The following RAP1GAP variants were observed in gnomAD, a reference collection of about 807,000 sequenced individuals.
The protein encoded by RAP1GAP is RAP1 GTPase activating protein.
In RAP1GAP, 35 loss-of-function variants were observed where a neutral mutation model predicts 87.2. The observed-to-expected ratio is 0.40, with a 90% CI of 0.31 to 0.53. RAP1GAP has a LOEUF of 0.53. Ranked by LOEUF, RAP1GAP falls within the 20% of genes least tolerant of loss-of-function variation. RAP1GAP has a pLI of 0.48. For synonymous variants in RAP1GAP, 375 were observed against 363.9 expected (o/e 1.03, Z -0.35); for missense variants, 734 against 898.9 (o/e 0.82, Z 2.35).
rs1163011784 is a variant in RAP1GAP, at chr1:21,622,714, A to C, written c.-18-2664T>G. The C allele has an allele frequency of 6.6e-6, 1 of 151,476 alleles. No homozygotes were observed. The highest frequency in any genetic ancestry group is 1.5e-5 in the Non-Finnish European group (1 of 67,872). 9.4% of individuals were successfully genotyped at this position (151,476 alleles called of 1,614,324 possible). A position where few individuals can be genotyped will look rare whatever the true frequency, so the allele number is the denominator to read the frequency against. Reference sequence around the variant, plus strand: ...TGCGCGTTCCGGCCCGAGCGCTAGAAGCTTTGGGTGCGTCGGGCTCCCCGA... The same window carrying C: ...TGCGCGTTCCGGCCCGAGCGCTAGACGCTTTGGGTGCGTCGGGCTCCCCGA... On this transcript the variant is annotated intron_variant, in intron 3 of 24. Coordinates refer to ENST00000374765, the MANE Select transcript of RAP1GAP (RefSeq NM_002885.4). The surrounding 1 kb of genome is among the most constrained non-coding windows in gnomAD (Gnocchi z 5.7).
intron 17 of RAP1GAP, 51 bp downstream of exon 17, chr1:21,608,162 C>T (rs1032659496): frequency 1.3e-5 from 20 of 1,596,230 alleles, no homozygotes; most frequent in Non-Finnish European, 1.7e-5. Flanking sequence ...CCCGGGATTC[C>T]GCCCTAGCCA....
intron 1 of RAP1GAP, among the ~76,000 whole-genome samples, chr1:21,650,759 G>A (rs762361056): frequency 6.6e-6 from 1 of 152,162 alleles, no homozygotes; most frequent in Non-Finnish European, 1.5e-5. Context: ...TCAGGGCCTA[G>A]CCCAGGCTCC....
At chr1:21,618,126 A>C (rs944458155) in intron 5 of RAP1GAP, among the ~76,000 whole-genome samples, 154 bp from the exon 6 acceptor site, 3 of 152,108 alleles carry the variant, frequency 2.0e-5, no homozygotes, top group Admixed American at 6.6e-5. Flanking sequence ...AGGCAGGCTT[A>C]GCGTGCTGAG....
At chr1:21,662,966 AT>A (rs1304028781) in intron 1 of RAP1GAP, among the ~76,000 whole-genome samples, 1 of 152,146 alleles carries the variant, frequency 6.6e-6, no homozygotes, top group Non-Finnish European at 1.5e-5. Flanking sequence ...CTCAGGCCCC[AT>A]CATGCCTCCC....
At position 21,609,608 on chromosome 1, in the gene RAP1GAP, T is replaced by C. The variant is rs1570610453; in HGVS notation, c.1038A>G (p.Gly346=). The C allele has an allele frequency of 1.9e-6, 3 of 1,551,488 alleles. No homozygotes were observed. Among genetic ancestry groups the C allele is most frequent in the East Asian group, 2.4e-5 (1 of 41,922 alleles). ...VTARDDVPFF[G]PPLPDPAVFR... The stretch of plus-strand genomic sequence containing the variant: ...ACACAGCGGGGTCCGGGAGGGGGGG[T>C]CCAAAGAAGGGCACATCATCTCTTG... Residue 346 remains glycine (G), a synonymous_variant, in exon 15 of 25, where the codon GGA becomes GGG. Transcript: ENST00000374765. The surrounding 1 kb of genome is among the most constrained non-coding windows in gnomAD (Gnocchi z 4.4).
Position 21,603,146 on chromosome 1 carries a change from T to G in RAP1GAP, c.1429-233A>C, listed in dbSNP as rs529774435. Reference sequence around the variant, plus strand: ...ACACGGCAGGACTGCACGTCAATACTGGCCCAGGATTAGGACAGCATCCTG... The same window carrying G: ...ACACGGCAGGACTGCACGTCAATACGGGCCCAGGATTAGGACAGCATCCTG... On this transcript the variant is annotated intron_variant, in intron 18 of 24. Transcript: ENST00000374765. This position sits in a 1 kb window ranked among gnomAD's most constrained non-coding sequence, Gnocchi z 6.0. 5.6e-6 allele frequency: 3 copies of G among 531,624 alleles called. No homozygotes were observed. The highest frequency in any genetic ancestry group is 2.5e-5 in the South Asian group (1 of 39,462). 32.9% of individuals were successfully genotyped at this position (531,624 alleles called of 1,614,324 possible).
chr1:21,611,310 G>T, intron 13 of RAP1GAP, 142 bp downstream of exon 13: 1 of 1,222,500 alleles, frequency 8.2e-7, no homozygotes, highest in Non-Finnish European at 1.1e-6. Context: ...CTGACCCAAC[G>T]AGACCCCACA....
At position 21,603,696 on chromosome 1, in the gene RAP1GAP, C is replaced by A. The variant is rs543402145; in HGVS notation, c.1429-783G>T. The A allele has an allele frequency of 2.1e-6, 2 of 940,328 alleles. No individual in the cohort carries two copies. Among genetic ancestry groups the A allele is most frequent in the Non-Finnish European group, 3.5e-6 (2 of 576,618 alleles). The allele number at this position is 940,328 out of a possible 1,614,324, so 58.2% of individuals were successfully genotyped here. A position where few individuals can be genotyped will look rare whatever the true frequency, so the allele number is the denominator to read the frequency against. On this transcript the variant is annotated intron_variant, in intron 18 of 24. Transcript: ENST00000374765. This position sits in a 1 kb window ranked among gnomAD's most constrained non-coding sequence, Gnocchi z 6.0. ...AGGTGCTGAGTGCCATCGGAGCTGCCGCCACTCCATCCCGCACGCCCTGGG... is the reference window on the plus strand; with the variant it reads ...AGGTGCTGAGTGCCATCGGAGCTGCAGCCACTCCATCCCGCACGCCCTGGG...
chr1:21,599,676 C>G (rs914478596), intron 20 of RAP1GAP, 59 bp from the exon 21 acceptor site: 22 of 1,566,562 alleles, frequency 1.4e-5, no homozygotes, highest in Non-Finnish European at 1.8e-5. Flanking sequence ...TGGGCCAGGC[C>G]CTCACTCCCT....
chr1:21,598,168 C>T (rs944128011), intron 22 of RAP1GAP, 104 bp from the exon 23 acceptor site: 1 of 813,952 alleles, frequency 1.2e-6, no homozygotes, highest in Non-Finnish European at 1.9e-6. Flanking sequence ...CAACCCCACC[C>T]TTAACTTTCT....
Position 21,611,493 on chromosome 1 carries a change from C to T in RAP1GAP, c.802G>A (p.Val268Met), listed in dbSNP as rs918977289. ...TCCGTGTATGGCAGCTTGGTGGACACGTGAAACATGATCTCCTTGTTGCGG... is the reference window on the plus strand; with the variant it reads ...TCCGTGTATGGCAGCTTGGTGGACATGTGAAACATGATCTCCTTGTTGCGG... ...NFRNKEIMFH[V>M]STKLPYTEGD... is the part of the protein sequence containing the mutation. Residue 268 changes from valine to methionine, a missense_variant, in exon 13 of 25, where the codon GTG becomes ATG. By Grantham distance (21) the Val-to-Met change is conservative. Transcript: ENST00000374765. 2.5e-6 allele frequency: 4 copies of T among 1,614,188 alleles called. No individual in the cohort carries two copies. Among genetic ancestry groups the T allele is most frequent in the Admixed American group, 3.3e-5 (2 of 60,030 alleles).
At chr1:21,643,839 G>A (rs916440645) in intron 2 of RAP1GAP, among the ~76,000 whole-genome samples, 7 of 152,204 alleles carry the variant, frequency 4.6e-5, no homozygotes, top group South Asian at 2.1e-4. Flanking sequence ...CACACAGCAA[G>A]TAAGTGGAAG....
intron 7 of RAP1GAP, among the ~76,000 whole-genome samples, chr1:21,616,190 C>T (rs829416): frequency 0.73 from 100,083 of 136,656 alleles, 36,729 homozygotes; most frequent in East Asian, 0.91. Flanking sequence ...CACACACACA[C>T]ATACAATGAC....
chr1:21,651,700 C>A, intron 1 of RAP1GAP: 2 of 1,403,078 alleles, frequency 1.4e-6, no homozygotes, highest in Non-Finnish European at 1.9e-6. Flanking sequence ...AACGCGAGCA[C>A]ACCCCGCACG....
intron 3 of RAP1GAP, among the ~76,000 whole-genome samples, chr1:21,625,854 G>A (rs1306434426): frequency 1.3e-5 from 2 of 152,192 alleles, no homozygotes; most frequent in East Asian, 1.9e-4. Context: ...TGATTTTAAC[G>A]ATAATGATAG....
intron 10 of RAP1GAP, 32 bp from the exon 11 acceptor site, chr1:21,612,141 C>A (rs770660704): frequency 9.4e-6 from 14 of 1,488,444 alleles, no homozygotes; most frequent in African/African-American, 2.8e-5. Context: ...GAAGAGGCTG[C>A]GTGTGCAAGC....
At chr1:21,631,580 G>A (rs144150991) in intron 2 of RAP1GAP, among the ~76,000 whole-genome samples, 3 of 152,280 alleles carry the variant, frequency 2.0e-5, no homozygotes, top group Non-Finnish European at 4.4e-5. Context: ...TAGCTACTTG[G>A]GAGGCTGAGG....
At position 21,603,562 on chromosome 1, in the gene RAP1GAP, T is replaced by TTG; in HGVS notation, c.1429-650_1429-649insCA. 3.2e-6 allele frequency: 2 copies of TTG among 629,256 alleles called. No individual in the cohort carries two copies. The highest frequency in any genetic ancestry group is 5.7e-6 in the Non-Finnish European group (2 of 348,714). The allele number at this position is 629,256 out of a possible 1,614,324, so 39.0% of individuals were successfully genotyped here. On this transcript the variant is annotated intron_variant, in intron 18 of 24. Transcript: ENST00000374765. This position sits in a 1 kb window ranked among gnomAD's most constrained non-coding sequence, Gnocchi z 6.0. ...GACGTGCGGCTGGGTGTAGGGCCTT[T>TTG]GGGTACCGGATCCTGGCAGGGACTG...
chr1:21,627,409 CTTTTTTTTTT>C (rs755209828), intron 2 of RAP1GAP, among the ~76,000 whole-genome samples: 3 of 125,236 alleles, frequency 2.4e-5, no homozygotes, highest in Non-Finnish European at 3.4e-5. Flanking sequence ...CTCCCTTCTT[CTTTTTTTTTT>C]TTTTTTTTTT....
Sources: allele counts gnomAD v4.1 joint callset (sites outside exome capture counted in the v4.1 genomes callset), GRCh38; gene constraint gnomAD v4.1.1; non-coding constraint Gnocchi (gnomAD v3.1); transcripts MANE v1.5; gene names NCBI Gene and HGNC (gene_info 2026-07-23, HGNC 2026-07-21).